The following TRPC4 variants were observed in gnomAD, a reference collection of about 807,000 sequenced individuals.
TRPC4 encodes the protein transient receptor potential cation channel subfamily C member 4.
A neutral mutation model predicts 99.4 loss-of-function variants in TRPC4; 49 were observed. That is an observed-to-expected ratio of 0.49 (90% CI 0.39 to 0.63). The LOEUF (loss-of-function observed/expected upper bound fraction) is 0.63, where lower values mean the gene tolerates loss of function less well. Ranked by LOEUF, TRPC4 falls within the 20% of genes least tolerant of loss-of-function variation. The probability of loss-of-function intolerance (pLI) is 0.00; values close to 1 mark genes in which losing one functional copy is unlikely to be tolerated. For synonymous variants in TRPC4, 454 were observed against 425.9 expected (o/e 1.07, Z -0.81); for missense variants, 898 against 1,152.9 (o/e 0.78, Z 3.20).
At chr13:37,861,552 G>C (rs911680708) in intron 1 of TRPC4, among the ~76,000 whole-genome samples, 1 of 151,408 alleles carries the variant, frequency 6.6e-6, no homozygotes, top group Non-Finnish European at 1.5e-5. Flanking sequence ...TTTATATGAT[G>C]GAAAAATATT....
chr13:37,692,047 C>G lies in TRPC4; in HGVS notation c.1186G>C (p.Gly396Arg). 6.2e-7 allele frequency: 1 copy of G among 1,613,042 alleles called. No homozygotes were observed. The highest frequency in any genetic ancestry group is 8.5e-7 in the Non-Finnish European group (1 of 1,179,426). ...HIDRSDLNRQ[G>R]PPPTIVEWMI... Reference sequence around the variant, plus strand: ...CACTCGACGATGGTTGGTGGTGGACCTTGCCTGTTCAAGTCTGACCTGTCG... The same window carrying G: ...CACTCGACGATGGTTGGTGGTGGACGTTGCCTGTTCAAGTCTGACCTGTCG... The change falls in exon 4 of 11, where the codon GGT becomes CGT. Residue 396 changes from glycine to arginine, a missense_variant. Around this residue, in one of 3 missense-constraint regions of TRPC4, gnomAD observed 274 missense variants for 454.9 expected, o/e 0.60. Transcript: ENST00000379705.
Position 37,674,371 on chromosome 13 carries a change from C to A in TRPC4, c.1235-4G>T, listed in dbSNP as rs745826360. On this transcript the variant is annotated splice_polypyrimidine_tract_variant and splice_region_variant and intron_variant, in intron 4 of 10. Coordinates refer to ENST00000379705, the MANE Select transcript of TRPC4 (RefSeq NM_016179.4). The stretch of plus-strand genomic sequence containing the variant: ...TTAATTTCTCCCCATATGAAGCCTG[C>A]AATTATAGAAAGATTCATTGTAAGT... 5 of 1,594,434 alleles carry A rather than the reference C, an allele frequency of 3.1e-6. No individual in the cohort carries two copies. In the East Asian group the frequency reaches 9.1e-5, roughly 29 times the overall value.
intron 1 of TRPC4, among the ~76,000 whole-genome samples, chr13:37,824,406 G>T (rs1458348752): frequency 6.6e-6 from 1 of 151,544 alleles, no homozygotes; most frequent in African/African-American, 2.4e-5. Flanking sequence ...ATTGGCTGTG[G>T]GTTTGTCATA....
chr13:37,724,145 A>T (rs865875078), intron 3 of TRPC4, among the ~76,000 whole-genome samples: 18 of 152,314 alleles, frequency 1.2e-4, no homozygotes, highest in South Asian at 6.2e-4. Context: ...TTGATATTTT[A>T]AAAATCTCTA....
At chr13:37,812,747 TAACA>T (rs976334874) in intron 1 of TRPC4, among the ~76,000 whole-genome samples, 4 of 152,064 alleles carry the variant, frequency 2.6e-5, no homozygotes, top group Non-Finnish European at 4.4e-5. Context: ...AATTGTTAAC[TAACA>T]AATACAAGAA....
chr13:37,650,610 T>TCTACACACACACACACACACAC (rs763182248), intron 8 of TRPC4, among the ~76,000 whole-genome samples: 1 of 65,090 alleles, frequency 1.5e-5, no homozygotes, highest in South Asian at 7.4e-4. Flanking sequence ...TCTCTCTCTC[T>TCTACACACACACACACACACAC]ATACACACAC....
intron 4 of TRPC4, among the ~76,000 whole-genome samples, chr13:37,676,286 AAAG>A (rs989299527): frequency 6.6e-6 from 1 of 152,104 alleles, no homozygotes. Context: ...AAAAAGGAAA[AAAG>A]AGAGACATTT....
intron 3 of TRPC4, among the ~76,000 whole-genome samples, chr13:37,736,236 A>G (rs1955390477): frequency 6.6e-6 from 1 of 152,244 alleles, no homozygotes; most frequent in Non-Finnish European, 1.5e-5. Flanking sequence ...GCTGGGGTAG[A>G]GCATTAGGGA....
Position 37,861,128 on chromosome 13 carries a change from C to A in TRPC4, c.-28+8467G>T, listed in dbSNP as rs536848745. 8.6e-5 allele frequency among the ~76,000 whole-genome samples: 13 copies of A among 151,534 alleles called. No homozygotes were observed. In the South Asian group the frequency reaches 1.7e-3, roughly 19 times the overall value. ...AGAAAGTAGATTATCTTTTAAAAAA[C>A]TTCATTTAGATAAACTGAAATGATT... On this transcript the variant is annotated intron_variant, in intron 1 of 10. Coordinates refer to ENST00000379705, the MANE Select transcript of TRPC4 (RefSeq NM_016179.4).
Position 37,637,478 on chromosome 13 carries a change from T to C in TRPC4, c.2359A>G (p.Ser787Gly). 2 of 1,613,856 alleles carry C rather than the reference T, an allele frequency of 1.2e-6. No homozygotes were observed. Among genetic ancestry groups the C allele is most frequent in the Middle Eastern group, 1.6e-4 (1 of 6,062 alleles). ...SDEKSDSEGN[S>G]KDKKKNFSLF... ...CTGAAATTCTTTTTCTTGTCCTTGCTATTACCTTCGCTATCACTCTTTTCA... is the reference window on the plus strand; with the variant it reads ...CTGAAATTCTTTTTCTTGTCCTTGCCATTACCTTCGCTATCACTCTTTTCA... Residue 787 changes from serine (S) to glycine (G), a missense_variant, in exon 11 of 11, where the codon AGC becomes GGC. Transcript: ENST00000379705.
chr13:37,682,171 C>T (rs1384229499), intron 4 of TRPC4, among the ~76,000 whole-genome samples: 8 of 152,164 alleles, frequency 5.3e-5, no homozygotes, highest in Non-Finnish European at 1.2e-4. Flanking sequence ...AAACAAAAAG[C>T]AAGTCACCTT....
At position 37,739,561 on chromosome 13, in the gene TRPC4, A is replaced by G. The variant is rs181471132; in HGVS notation, c.897+6376T>C. ...CTTTCTGTTGCCCAGGCTGGAGTAC[A>G]GTGGTATGATCTCGGCTCACTGCCA... On this transcript the variant is annotated intron_variant, in intron 3 of 10. Coordinates refer to ENST00000379705, the MANE Select transcript of TRPC4 (RefSeq NM_016179.4). Among the ~76,000 whole-genome samples, 910 of 147,316 alleles carry G rather than the reference A, an allele frequency of 6.2e-3. 3 individuals are homozygous for G. The highest frequency in any genetic ancestry group is 0.011 in the South Asian group (50 of 4,682).
At chr13:37,665,755 T>G (rs916961087) in intron 5 of TRPC4, among the ~76,000 whole-genome samples, 3 of 151,000 alleles carry the variant, frequency 2.0e-5, no homozygotes, top group Non-Finnish European at 4.4e-5. Flanking sequence ...TGGATGTGGA[T>G]CCATCATCAC....
intron 3 of TRPC4, among the ~76,000 whole-genome samples, chr13:37,699,533 C>T (rs145701966): frequency 6.6e-6 from 1 of 152,120 alleles, no homozygotes. Context: ...GAGATTTAAT[C>T]AAATCTGAGA....
At chr13:37,869,296 C>G (rs1055603425) in intron 1 of TRPC4, among the ~76,000 whole-genome samples, 2 of 152,082 alleles carry the variant, frequency 1.3e-5, no homozygotes, top group Non-Finnish European at 2.9e-5. Context: ...TAAGTCACAC[C>G]GGGGGTTCAC....
At chr13:37,835,545 T>C (rs1958542489) in intron 1 of TRPC4, among the ~76,000 whole-genome samples, 1 of 152,186 alleles carries the variant, frequency 6.6e-6, no homozygotes, top group South Asian at 2.1e-4. Flanking sequence ...TACTAGCTAC[T>C]GAGAACACCC....
At chr13:37,664,750 T>C (rs942780345) in intron 5 of TRPC4, among the ~76,000 whole-genome samples, 3 of 152,236 alleles carry the variant, frequency 2.0e-5, no homozygotes, top group African/African-American at 7.2e-5. Flanking sequence ...AGTGCTACTC[T>C]GTCTGAGTCC....
intron 3 of TRPC4, among the ~76,000 whole-genome samples, chr13:37,708,885 C>T (rs543967816): frequency 2.0e-5 from 3 of 151,910 alleles, no homozygotes; most frequent in South Asian, 4.2e-4. Context: ...TCTACCTTCT[C>T]GGCAGGTTGA....
rs144068764 is a variant in TRPC4, at chr13:37,791,499, C to T, written c.-27-8139G>A. Reference sequence around the variant, plus strand: ...TTTGCTCACTGAAATATACATGGTGCTCAGGAAAGGGTAATAGAGTAAAAT... The same window carrying T: ...TTTGCTCACTGAAATATACATGGTGTTCAGGAAAGGGTAATAGAGTAAAAT... On this transcript the variant is annotated intron_variant, in intron 1 of 10. Coordinates refer to ENST00000379705, the MANE Select transcript of TRPC4 (RefSeq NM_016179.4). Among the ~76,000 whole-genome samples the T allele has an allele frequency of 8.6e-3, 1,296 of 150,974 alleles. 14 individuals are homozygous for T. Among genetic ancestry groups the T allele is most frequent in the Non-Finnish European group, 0.013 (901 of 67,896 alleles).
Sources: allele counts gnomAD v4.1 joint callset (sites outside exome capture counted in the v4.1 genomes callset), GRCh38; gene constraint gnomAD v4.1.1; regional missense constraint gnomAD v4.1.1; transcripts MANE v1.5; gene names NCBI Gene and HGNC (gene_info 2026-07-23, HGNC 2026-07-21).